RPH3A: variants seen among roughly 807,000 people sequenced by gnomAD.
RPH3A encodes rabphilin-3A.
In RPH3A, 48 loss-of-function variants were observed where a neutral mutation model predicts 102.2. The ratio of observed to expected loss-of-function variants is 0.47; its 90% CI spans 0.37 to 0.60. The LOEUF (loss-of-function observed/expected upper bound fraction) is 0.60. RPH3A is among the 20% of genes least tolerant of loss of function. The pLI, the probability that RPH3A is intolerant of heterozygous loss-of-function variation, is 0.00. For synonymous variants in RPH3A, 310 were observed against 324.3 expected, an observed-to-expected ratio of 0.96 and a Z score of 0.47; for missense variants, 781 against 910.1, an observed-to-expected ratio of 0.86 and a Z score of 1.83.
chr12:112,592,937 T>A (rs1311934714), intron 1 of RPH3A, among the ~76,000 whole-genome samples: 1 of 152,102 alleles, frequency 6.6e-6, no homozygotes, highest in Non-Finnish European at 1.5e-5. Flanking sequence ...CTGTATGGAG[T>A]CTGAAGGCCT....
chr12:112,874,369 C>T (rs1346217842), intron 10 of RPH3A, among the ~76,000 whole-genome samples: 1 of 152,164 alleles, frequency 6.6e-6, no homozygotes, highest in Admixed American at 6.5e-5. Flanking sequence ...CTTCTCTGTG[C>T]CTCAGTTTCC....
At chr12:112,885,411 T>C (rs2042988139) in intron 16 of RPH3A, among the ~76,000 whole-genome samples, 1 of 152,224 alleles carries the variant, frequency 6.6e-6, no homozygotes, top group Admixed American at 6.5e-5. Flanking sequence ...TGGTGTTGCG[T>C]TGTGGTTCCA....
intron 19 of RPH3A, chr12:112,893,201 G>A (rs997695900): frequency 6.6e-6 from 1 of 151,922 alleles, no homozygotes; most frequent in African/African-American, 2.4e-5. Context: ...AAAAATGGGA[G>A]ACCACTAAGC....
intron 1 of RPH3A, among the ~76,000 whole-genome samples, chr12:112,708,259 C>A (rs1473592929): frequency 1.3e-5 from 2 of 152,144 alleles, no homozygotes; most frequent in African/African-American, 4.8e-5. Context: ...TATCTAAAGT[C>A]TGGCATGTAA....
At chr12:112,884,323 G>T (rs2042971677) in intron 16 of RPH3A, among the ~76,000 whole-genome samples, 1 of 152,108 alleles carries the variant, frequency 6.6e-6, no homozygotes, top group Non-Finnish European at 1.5e-5. Context: ...AGCTCCTTTT[G>T]TATATTCTAT....
intron 4 of RPH3A, among the ~76,000 whole-genome samples, chr12:112,842,316 T>C (rs1429902411): frequency 6.6e-6 from 1 of 152,136 alleles, no homozygotes; most frequent in African/African-American, 2.4e-5. Flanking sequence ...TTTTGGAGCA[T>C]TTACCAAGTC....
At position 112,896,815 on chromosome 12, in the gene RPH3A, TC is replaced by T. The variant is rs768540113; in HGVS notation, c.*42del. The T allele has an allele frequency of 1.3e-5, 21 of 1,609,376 alleles. No homozygotes were observed. The East Asian group carries it at 1.8e-4, about 14-fold the overall frequency. ...CAGGTCCCCATCTCCATGTCCCGGG[TC>T]CCCCCCAGCCTGCTCTAGCTGCCCA... On this transcript the variant is annotated 3_prime_UTR_variant, in exon 22 of 22. Transcript: ENST00000389385.
intron 1 of RPH3A, among the ~76,000 whole-genome samples, chr12:112,641,658 A>G (rs1252810293): frequency 6.6e-6 from 1 of 152,186 alleles, no homozygotes; most frequent in African/African-American, 2.4e-5. Context: ...TCGGCCTCCC[A>G]AAGTGCTGGG....
chr12:112,588,305 T>G (rs2039452139), intron 1 of RPH3A, among the ~76,000 whole-genome samples: 1 of 152,210 alleles, frequency 6.6e-6, no homozygotes, highest in African/African-American at 2.4e-5. Flanking sequence ...AAAGGAGGTT[T>G]AATGAACTCA....
rs546021710 is a variant in RPH3A at position 112,710,251 on chromosome 12, C to T, written c.-139-81892C>T. Among the ~76,000 whole-genome samples the T allele has an allele frequency of 1.9e-3, 290 of 152,324 alleles. 1 individual carries two copies. Among genetic ancestry groups the T allele is most frequent in the Non-Finnish European group, 3.4e-3 (231 of 68,040 alleles). On this transcript the variant is annotated intron_variant, in intron 1 of 21. Transcript: ENST00000543106. Reference sequence around the variant, plus strand: ...TCGGCCTCCCAAAGTGCTGGGATTACAGGCTTGAGCCACCGCGCCCGGCCT... The same window carrying T: ...TCGGCCTCCCAAAGTGCTGGGATTATAGGCTTGAGCCACCGCGCCCGGCCT...
At chr12:112,706,311 A>G (rs755158005) in intron 1 of RPH3A, among the ~76,000 whole-genome samples, 5 of 151,998 alleles carry the variant, frequency 3.3e-5, no homozygotes, top group Non-Finnish European at 7.4e-5. Flanking sequence ...CAGCTTCTCA[A>G]CTCTTCAGGT....
At chr12:112,847,095 C>T (rs1035185656) in intron 4 of RPH3A, among the ~76,000 whole-genome samples, 2 of 152,108 alleles carry the variant, frequency 1.3e-5, no homozygotes, top group African/African-American at 4.8e-5. Context: ...CTGAGGCGGG[C>T]ACACAGTGGG....
chr12:112,588,525 GACA>G (rs2039454508), intron 1 of RPH3A, among the ~76,000 whole-genome samples: 3 of 152,188 alleles, frequency 2.0e-5, no homozygotes, highest in Non-Finnish European at 4.4e-5. Flanking sequence ...TCCCTCCCAC[GACA>G]TGTGGGGATT....
intron 16 of RPH3A, among the ~76,000 whole-genome samples, chr12:112,887,250 C>G (rs919853425): frequency 6.6e-6 from 1 of 152,198 alleles, no homozygotes; most frequent in Non-Finnish European, 1.5e-5. Flanking sequence ...TAGAAACAAC[C>G]TGTATCAACA....
chr12:112,857,482 C>T (rs909289652), intron 5 of RPH3A, among the ~76,000 whole-genome samples: 8 of 151,974 alleles, frequency 5.3e-5, no homozygotes, highest in East Asian at 1.9e-4. Flanking sequence ...GTCAGAGTCA[C>T]GGAGAGATTA....
chr12:112,639,324 G>T (rs1157938695), intron 1 of RPH3A, among the ~76,000 whole-genome samples: 1 of 152,180 alleles, frequency 6.6e-6, no homozygotes, highest in Non-Finnish European at 1.5e-5. Flanking sequence ...GCCATAAAAA[G>T]GAACGAGATC....
chr12:112,847,807 T>C lies in RPH3A; in HGVS notation c.195T>C (p.Ala65=), dbSNP rs2042255732. ...TCATCAACAGGGTGATTGCTCGAGC[T>C]GAGAAAATGGAAGAGATGGAGCAGG... ...KEIINRVIAR[A]EKMEEMEQER... Residue 65 remains alanine (A), a synonymous_variant, in exon 5 of 22, where the codon GCT becomes GCC. Coordinates refer to ENST00000389385, the MANE Select transcript of RPH3A (RefSeq NM_001143854.2). 1.9e-6 allele frequency: 3 copies of C among 1,614,090 alleles called. No individual in the cohort carries two copies. The highest frequency in any genetic ancestry group is 2.2e-5 in the East Asian group (1 of 44,870).
intron 1 of RPH3A, among the ~76,000 whole-genome samples, chr12:112,780,895 T>A (rs1228995761): frequency 6.6e-6 from 1 of 152,148 alleles, no homozygotes; most frequent in Non-Finnish European, 1.5e-5. Context: ...TGGCTCAAGC[T>A]GAAATCCCAG....
At chr12:112,577,983 GTC>G (rs1396666865) in intron 1 of RPH3A, among the ~76,000 whole-genome samples, 1 of 152,134 alleles carries the variant, frequency 6.6e-6, no homozygotes, top group African/African-American at 2.4e-5. Context: ...TAGAGATTCA[GTC>G]TCTTAGACAC....
Sources: allele counts gnomAD v4.1 joint callset (sites outside exome capture counted in the v4.1 genomes callset), GRCh38; gene constraint gnomAD v4.1.1; transcripts MANE v1.5; gene names NCBI Gene and HGNC (gene_info 2026-07-23, HGNC 2026-07-21).